Variants in PTPRT observed in about 807,000 individuals in gnomAD.
The protein encoded by PTPRT is receptor-type tyrosine-protein phosphatase T.
In PTPRT, 56 loss-of-function variants were observed where a neutral mutation model predicts 176.8. That is an observed-to-expected ratio of 0.32 (90% CI 0.26 to 0.40). The LOEUF is 0.40. Ranked by LOEUF, PTPRT falls within the 10% of genes least tolerant of loss-of-function variation. The pLI is 1.00. For synonymous variants in PTPRT, 783 were observed against 739.0 expected (o/e 1.06, Z -0.96); for missense variants, 1,540 against 1,908.2 (o/e 0.81, Z 3.60).
the PTPRT span, among the ~76,000 whole-genome samples, chr20:42,035,888 A>G: frequency 3.3e-5 from 5 of 152,292 alleles, no homozygotes; most frequent in African/African-American, 4.8e-5. Context: ...CTAGATTGCA[A>G]TGGGGAGTTC....
rs1223774184 is a variant in PTPRT at position 42,073,602 on chromosome 20, T to G, written c.*7277A>C. 4.5e-6 allele frequency: 1 copy of G among 222,076 alleles called. No homozygotes were observed. Among genetic ancestry groups the G allele is most frequent in the Non-Finnish European group, 9.0e-6 (1 of 111,198 alleles). The allele number at this position is 222,076 out of a possible 1,614,324, so 13.8% of individuals were successfully genotyped here. A position where few individuals can be genotyped will look rare whatever the true frequency, so the allele number is the denominator to read the frequency against. On this transcript the variant is annotated 3_prime_UTR_variant, in exon 31 of 31. Coordinates refer to ENST00000373187, the MANE Select transcript of PTPRT (RefSeq NM_007050.6). ...GAGTTATGGCTGCTCTCATGAGAGA[T>G]CTACATGGGTATTGGGTCTATGGCA...
At chr20:42,058,475 C>G in the PTPRT span, among the ~76,000 whole-genome samples, 4 of 152,236 alleles carry the variant, frequency 2.6e-5, no homozygotes, top group East Asian at 5.8e-4. Context: ...GTAATCTCAG[C>G]CACTCTCATA....
At chr20:42,522,201 T>C (rs2072189217) in intron 7 of PTPRT, among the ~76,000 whole-genome samples, 1 of 150,164 alleles carries the variant, frequency 6.7e-6, no homozygotes, top group Middle Eastern at 3.2e-3. Flanking sequence ...TTCTTTAACT[T>C]AGTTTTCTCC....
chr20:42,130,749 A>G (rs556570739), intron 18 of PTPRT, among the ~76,000 whole-genome samples: 1 of 152,292 alleles, frequency 6.6e-6, no homozygotes, highest in South Asian at 2.1e-4. Context: ...ATCAGGGGGA[A>G]GTTTCAGCAG....
At chr20:42,049,810 C>T in the PTPRT span, among the ~76,000 whole-genome samples, 1 of 152,198 alleles carries the variant, frequency 6.6e-6, no homozygotes, top group Non-Finnish European at 1.5e-5. Flanking sequence ...TGGCTGATCT[C>T]ACCATACAGA....
chr20:42,854,032 C>CA (rs1193459769), intron 2 of PTPRT, among the ~76,000 whole-genome samples: 1 of 152,088 alleles, frequency 6.6e-6, no homozygotes, highest in Non-Finnish European at 1.5e-5. Flanking sequence ...TCCAACCCAC[C>CA]AAATCAAATC....
intron 6 of PTPRT, among the ~76,000 whole-genome samples, chr20:42,738,129 A>T (rs2076564254): frequency 6.6e-6 from 1 of 152,304 alleles, no homozygotes; most frequent in South Asian, 2.1e-4. Context: ...ATCTGAATAC[A>T]AGTCATCCTG....
chr20:42,060,459 TCTC>T, the PTPRT span, among the ~76,000 whole-genome samples: 1 of 152,102 alleles, frequency 6.6e-6, no homozygotes, highest in African/African-American at 2.4e-5. Flanking sequence ...CCCACCCAAA[TCTC>T]CTCCTGAATT....
At chr20:42,538,227 A>G (rs561583123) in intron 7 of PTPRT, among the ~76,000 whole-genome samples, 1 of 152,234 alleles carries the variant, frequency 6.6e-6, no homozygotes, top group East Asian at 1.9e-4. Flanking sequence ...CTACCTTGCA[A>G]CCCTACTCTA....
intron 9 of PTPRT, among the ~76,000 whole-genome samples, chr20:42,437,261 C>G (rs2059270450): frequency 6.6e-6 from 1 of 152,126 alleles, no homozygotes; most frequent in African/African-American, 2.4e-5. Flanking sequence ...TGAGATTAAT[C>G]TCATTTTGGG....
chr20:42,712,791 A>G (rs6072841), intron 6 of PTPRT, among the ~76,000 whole-genome samples: 10 of 152,242 alleles, frequency 6.6e-5, no homozygotes, highest in Non-Finnish European at 1.3e-4. Flanking sequence ...GAATTATGCT[A>G]AAGATATGCT....
chr20:42,865,601 G>A (rs144317220), intron 2 of PTPRT, among the ~76,000 whole-genome samples: 6 of 152,256 alleles, frequency 3.9e-5, no homozygotes, highest in East Asian at 1.9e-4. Flanking sequence ...TTGAGCTCCC[G>A]CACTGCCTGA....
intron 7 of PTPRT, among the ~76,000 whole-genome samples, chr20:42,610,683 C>A (rs111881895): frequency 1.3e-5 from 2 of 152,090 alleles, no homozygotes; most frequent in South Asian, 4.1e-4. Flanking sequence ...GGGGATAACA[C>A]CCTTTGTGAG....
chr20:42,621,914 G>A (rs2074204330), intron 7 of PTPRT, among the ~76,000 whole-genome samples: 1 of 136,114 alleles, frequency 7.3e-6, no homozygotes, highest in Non-Finnish European at 1.6e-5. Context: ...GACTTAGGAA[G>A]GGCAAAGACC....
intron 27 of PTPRT, among the ~76,000 whole-genome samples, chr20:42,087,617 T>C (rs1213249628): frequency 6.7e-6 from 1 of 150,160 alleles, no homozygotes; most frequent in Non-Finnish European, 1.5e-5. Flanking sequence ...GGCTTACGCC[T>C]GTAATCCCAG....
intron 9 of PTPRT, among the ~76,000 whole-genome samples, chr20:42,374,987 A>G (rs1160016366): frequency 1.3e-5 from 2 of 152,252 alleles, no homozygotes; most frequent in African/African-American, 4.8e-5. Flanking sequence ...ACAAATAAGA[A>G]TCTATTCCAG....
intron 6 of PTPRT, among the ~76,000 whole-genome samples, chr20:42,704,303 A>G (rs2076018149): frequency 6.7e-6 from 1 of 150,218 alleles, no homozygotes; most frequent in South Asian, 2.1e-4. Context: ...ATCCCTTAAC[A>G]CTGTCTTGCC....
At chr20:42,589,437 C>A (rs112042611) in intron 7 of PTPRT, among the ~76,000 whole-genome samples, 4,803 of 152,294 alleles carry the variant, frequency 0.032, 94 homozygotes, top group Middle Eastern at 0.099. Flanking sequence ...AACACAGCAA[C>A]TTCCATTTGA....
chr20:42,083,943 C>T lies in PTPRT; in HGVS notation c.4136+739G>A, dbSNP rs573969821. Among the ~76,000 whole-genome samples the T allele has an allele frequency of 1.2e-3, 181 of 152,330 alleles. 1 individual carries two copies. The highest frequency in any genetic ancestry group is 4.2e-3 in the African/African-American group (175 of 41,574). On this transcript the variant is annotated intron_variant, in intron 29 of 30. Coordinates refer to ENST00000373187, the MANE Select transcript of PTPRT (RefSeq NM_007050.6). The stretch of plus-strand genomic sequence containing the variant: ...CAGGATAGATTCTGTGACACTTGCT[C>T]TTTTAAGTAATTACATTTACGTTTG...
Sources: allele counts gnomAD v4.1 joint callset (sites outside exome capture counted in the v4.1 genomes callset), GRCh38; gene constraint gnomAD v4.1.1; transcripts MANE v1.5; gene names NCBI Gene and HGNC (gene_info 2026-07-23, HGNC 2026-07-21).